Variants in ZFP69B observed in about 807,000 individuals in gnomAD.
ZFP69B encodes the protein ZFP69 zinc finger protein B.
Under a neutral mutation model 19.7 loss-of-function variants are expected in ZFP69B, and 20 were observed. The observed-to-expected ratio is 1.02, with a 90% CI of 0.71 to 1.48. The LOEUF is 1.48. ZFP69B is among the 40% of genes most tolerant of loss of function. The probability of loss-of-function intolerance (pLI) is 0.00; values close to 1 mark genes in which losing one functional copy is unlikely to be tolerated. For missense variants in ZFP69B, 583 were observed against 632.6 expected (o/e 0.92, Z 0.84); for synonymous variants, 220 against 222.7 (o/e 0.99, Z 0.11).
chr1:40,459,873 C>G (rs1332263133), intron 4 of ZFP69B, among the ~76,000 whole-genome samples: 1 of 151,886 alleles, frequency 6.6e-6, no homozygotes, highest in Non-Finnish European at 1.5e-5. Context: ...TTTTTGTGAA[C>G]AGGAAGTATT....
Position 40,462,924 on chromosome 1 carries a change from A to G in ZFP69B, c.940A>G (p.Lys314Glu), listed in dbSNP as rs754065879. Residue 314 changes from lysine to glutamate, a missense_variant, in exon 5 of 5, where the codon AAA (lysine) becomes GAA (glutamate). Lys to Glu is a moderately conservative substitution (Grantham distance 56). Transcript: ENST00000361584. Reference sequence around the variant, plus strand: ...ACCTTTCAGATGTAAGGAATGTGGAAAAGCCTTTAGCCAAAGTTCATCTCT... The same window carrying G: ...ACCTTTCAGATGTAAGGAATGTGGAGAAGCCTTTAGCCAAAGTTCATCTCT... ...EKPFRCKECG[K>E]AFSQSSSLIP... 1.1e-5 allele frequency: 18 copies of G among 1,614,214 alleles called. No homozygotes were observed. The highest frequency in any genetic ancestry group is 8.5e-6 in the Non-Finnish European group (10 of 1,180,046).
Position 40,450,709 on chromosome 1 carries a change from G to A in ZFP69B, c.-253G>A, listed in dbSNP as rs1192471356. ...CTTGGCGCCTCCAGCTGCTGGCCAA[G>A]GAGACAGATGGAGCTCAAGTTGGGA... On this transcript the variant is annotated 5_prime_UTR_variant, in exon 1 of 5. Coordinates refer to ENST00000361584, the MANE Select transcript of ZFP69B (RefSeq NM_023070.3). 1 of 283,844 alleles carries A rather than the reference G, an allele frequency of 3.5e-6. No homozygotes were observed. The highest frequency in any genetic ancestry group is 5.1e-5 in the Admixed American group (1 of 19,576). The allele number at this position is 283,844 out of a possible 1,614,324, so 17.6% of individuals were successfully genotyped here. A position where few individuals can be genotyped will look rare whatever the true frequency, so the allele number is the denominator to read the frequency against.
chr1:40,460,979 C>CAAA (rs35932276), intron 4 of ZFP69B, among the ~76,000 whole-genome samples: 3 of 75,388 alleles, frequency 4.0e-5, no homozygotes, highest in Non-Finnish European at 5.5e-5. Flanking sequence ...GACTTTGTCT[C>CAAA]AAAAAAAAAA....
At chr1:40,459,117 A>G (rs1017774995) in intron 4 of ZFP69B, among the ~76,000 whole-genome samples, 2 of 152,184 alleles carry the variant, frequency 1.3e-5, no homozygotes, top group African/African-American at 4.8e-5. Context: ...TCGTATGTCC[A>G]AAATCGGGGT....
chr1:40,455,787 T>A (rs1206160389), intron 2 of ZFP69B, among the ~76,000 whole-genome samples: 1 of 152,156 alleles, frequency 6.6e-6, no homozygotes, highest in Admixed American at 6.5e-5. Context: ...CCCTGGTGTG[T>A]GATGTTCCCC....
chr1:40,463,121 C>T lies in ZFP69B; in HGVS notation c.1137C>T (p.Ile379=). ...CCTTCAGCCAGAGCATTGGACTGAT[C>T]CAGCATTTGAGAACTCATGTTAGAG... ...EKAFSQSIGL[I]QHLRTHVREK... is the part of the protein sequence containing the mutation. Residue 379 remains isoleucine, a synonymous_variant, in exon 5 of 5, where the codon ATC becomes ATT. Transcript: ENST00000361584. 1 of 1,614,038 alleles carries T rather than the reference C, an allele frequency of 6.2e-7. No homozygotes were observed. Among genetic ancestry groups the T allele is most frequent in the South Asian group, 1.1e-5 (1 of 91,068 alleles).
Position 40,462,332 on chromosome 1 carries a change from A to G in ZFP69B, c.437-89A>G, listed in dbSNP as rs997022472. 1.3e-5 allele frequency: 15 copies of G among 1,186,356 alleles called. No homozygotes were observed. The African/African-American group carries it at 1.9e-4, about 15-fold the overall frequency. The allele number at this position is 1,186,356 out of a possible 1,614,324, so 73.5% of individuals were successfully genotyped here. On this transcript the variant is annotated intron_variant, in intron 4 of 4. Transcript: ENST00000361584. The stretch of plus-strand genomic sequence containing the variant: ...ATGATCCAGAACTCCTGTACCTAGT[A>G]TATATATTTTGTCCTTCCATTCTCA...
In ZFP69B at chr1:40,457,046, G is replaced by A. The variant is rs1367354438; in HGVS notation, c.315G>A (p.Glu105=). ...ATCTGTACCGGGAGGTGATGCTGGA[G>A]AACTATGGGAACCTGGTCTCAGTGG... The part of the protein sequence containing the change: ...HRNLYREVML[E]NYGNLVSVGC... Residue 105 remains glutamate, a synonymous_variant, in exon 3 of 5, where the codon GAG becomes GAA. Coordinates refer to ENST00000361584, the MANE Select transcript of ZFP69B (RefSeq NM_023070.3). 13 of 1,609,404 alleles carry A rather than the reference G, an allele frequency of 8.1e-6. No individual in the cohort carries two copies. The highest frequency in any genetic ancestry group is 1.7e-4 in the Middle Eastern group (1 of 6,032).
At chr1:40,454,636 A>AT (rs1645216460) in intron 2 of ZFP69B, among the ~76,000 whole-genome samples, 1 of 152,046 alleles carries the variant, frequency 6.6e-6, no homozygotes, top group Non-Finnish European at 1.5e-5. Flanking sequence ...TGACCTGGTG[A>AT]TCCACCCACC....
At chr1:40,458,850 T>C (rs1354406310) in intron 4 of ZFP69B, among the ~76,000 whole-genome samples, 1 of 152,170 alleles carries the variant, frequency 6.6e-6, no homozygotes, top group Non-Finnish European at 1.5e-5. Context: ...GCTGGACAGT[T>C]CCTCTTCATC....
At chr1:40,455,286 A>G (rs934246343) in intron 2 of ZFP69B, among the ~76,000 whole-genome samples, 1 of 152,238 alleles carries the variant, frequency 6.6e-6, no homozygotes, top group Non-Finnish European at 1.5e-5. Flanking sequence ...ATTAGAGAGT[A>G]GTCAGAGAAA....
At chr1:40,452,066 A>G (rs1645191956) in intron 1 of ZFP69B, among the ~76,000 whole-genome samples, 1 of 152,228 alleles carries the variant, frequency 6.6e-6, no homozygotes, top group East Asian at 1.9e-4. Flanking sequence ...GGGAGGTTTC[A>G]GTGAGCTGAG....
intron 1 of ZFP69B, among the ~76,000 whole-genome samples, chr1:40,453,141 A>G (rs959588445): frequency 3.3e-5 from 5 of 151,794 alleles, no homozygotes; most frequent in Admixed American, 6.6e-5. Context: ...TTGTATTTTT[A>G]GTAGAGACGG....
chr1:40,463,433 C>CT lies in ZFP69B; in HGVS notation c.1452dup (p.Arg485Ter), dbSNP rs773744509. 2 of 1,614,118 alleles carry CT rather than the reference C, an allele frequency of 1.2e-6. No individual in the cohort carries two copies. The highest frequency in any genetic ancestry group is 4.5e-5 in the East Asian group (2 of 44,862). On this transcript the variant is annotated frameshift_variant, in exon 5 of 5. Coordinates refer to ENST00000361584, the MANE Select transcript of ZFP69B (RefSeq NM_023070.3). LOFTEE classifies it low-confidence loss of function (END_TRUNC). Reference sequence around the variant, plus strand: ...ATGAATGCAGTCATTGTGGGAAAGCCTTTAGGCATGATTCATCCTTTGCTA... The same window carrying CT: ...ATGAATGCAGTCATTGTGGGAAAGCCTTTTAGGCATGATTCATCCTTTGCTA...
intron 2 of ZFP69B, among the ~76,000 whole-genome samples, chr1:40,456,185 C>G (rs980469492): frequency 1.3e-5 from 2 of 152,132 alleles, no homozygotes; most frequent in Non-Finnish European, 2.9e-5. Flanking sequence ...TCGCCAGACT[C>G]TCTTCCACAA....
intron 1 of ZFP69B, among the ~76,000 whole-genome samples, chr1:40,451,525 A>G (rs965753527): frequency 5.3e-5 from 8 of 152,088 alleles, no homozygotes. Flanking sequence ...ATATGTGTCA[A>G]AAGAGGCCAG....
intron 3 of ZFP69B, 103 bp from the exon 4 acceptor site, chr1:40,457,240 TA>T (rs1276471401): frequency 1.3e-6 from 2 of 1,485,168 alleles, no homozygotes; most frequent in South Asian, 1.2e-5. Flanking sequence ...CTTTCTACTC[TA>T]CTCTGCTTTC....
rs115506713 is a variant in ZFP69B at position 40,454,382 on chromosome 1, G to C, written c.213+94G>C. The C allele has an allele frequency of 3.0e-3, 2,799 of 922,210 alleles. 53 individuals are homozygous for C. In the African/African-American group the frequency reaches 0.044, roughly 14 times the overall value. The allele number at this position is 922,210 out of a possible 1,614,324, so 57.1% of individuals were successfully genotyped here. On this transcript the variant is annotated intron_variant, in intron 2 of 4. Coordinates refer to ENST00000361584, the MANE Select transcript of ZFP69B (RefSeq NM_023070.3). The stretch of plus-strand genomic sequence containing the variant: ...TTCTTTGACTCAACTTCCTGGATTG[G>C]CTTTTCTTTTTTTTTCTTTTTTTCA...
chr1:40,453,127 A>C (rs1006359945), intron 1 of ZFP69B, among the ~76,000 whole-genome samples: 26 of 151,696 alleles, frequency 1.7e-4, no homozygotes, highest in Admixed American at 2.0e-4. Flanking sequence ...CGCCCAGCTA[A>C]TTTTTGTATT....
Sources: allele counts gnomAD v4.1 joint callset (sites outside exome capture counted in the v4.1 genomes callset), GRCh38; gene constraint gnomAD v4.1.1; transcripts MANE v1.5; gene names NCBI Gene and HGNC (gene_info 2026-07-23, HGNC 2026-07-21).